The following MICAL3 variants were observed in gnomAD, a reference collection of about 807,000 sequenced individuals.
MICAL3 encodes [F-actin]-monooxygenase MICAL3.
A neutral mutation model predicts 207.4 loss-of-function variants in MICAL3; 62 were observed. That is an observed-to-expected ratio of 0.30 (90% CI 0.24 to 0.37). MICAL3 has a LOEUF of 0.37. MICAL3 is among the 10% of genes least tolerant of loss of function. MICAL3 has a pLI of 1.00. For synonymous variants in MICAL3, 1,077 were observed against 1,069.3 expected (o/e 1.01, Z -0.14); for missense variants, 2,368 against 2,635.6 (o/e 0.90, Z 2.22).
chr22:17,822,781 G>A (rs1354907498), intron 23 of MICAL3, among the ~76,000 whole-genome samples, 166 bp downstream of exon 23: 1 of 152,214 alleles, frequency 6.6e-6, no homozygotes, highest in Non-Finnish European at 1.5e-5. Context: ...TGGTGCTCGT[G>A]GGTAGGTGGT....
intron 19 of MICAL3, among the ~76,000 whole-genome samples, chr22:17,849,737 C>A (rs1290452163): frequency 7.1e-6 from 1 of 140,516 alleles, no homozygotes; most frequent in Non-Finnish European, 1.5e-5. Context: ...CCCTGTCACC[C>A]AAGCTGGAGT....
chr22:17,906,486 G>C, intron 2 of MICAL3, 63 bp downstream of exon 2: 1 of 1,611,322 alleles, frequency 6.2e-7, no homozygotes, highest in Non-Finnish European at 8.5e-7. Context: ...AGAGATGCAA[G>C]ACGTTGTTGA....
intron 1 of MICAL3, among the ~76,000 whole-genome samples, chr22:18,000,767 C>T (rs1273315227): frequency 1.3e-5 from 2 of 152,206 alleles, no homozygotes; most frequent in African/African-American, 4.8e-5. Flanking sequence ...CCCCCACAAA[C>T]GGAAAGGCGC....
chr22:17,946,035 T>A (rs1044362338), intron 1 of MICAL3, among the ~76,000 whole-genome samples: 25 of 152,098 alleles, frequency 1.6e-4, no homozygotes, highest in African/African-American at 5.6e-4. Flanking sequence ...CCGGAAATCC[T>A]CGCTAGTAAC....
chr22:17,964,309 T>C (rs1935050247), intron 1 of MICAL3, among the ~76,000 whole-genome samples: 1 of 152,182 alleles, frequency 6.6e-6, no homozygotes, highest in African/African-American at 2.4e-5. Flanking sequence ...TCTCCTCACA[T>C]TCTTACCTTA....
At chr22:17,919,800 G>C (rs1932756763) in intron 1 of MICAL3, among the ~76,000 whole-genome samples, 1 of 152,230 alleles carries the variant, frequency 6.6e-6, no homozygotes, top group Admixed American at 6.5e-5. Flanking sequence ...CATCAGAAGA[G>C]AGCCTGTCAG....
chr22:17,788,679 C>G lies in MICAL3; in HGVS notation c.*2053G>C, dbSNP rs550937963. On this transcript the variant is annotated 3_prime_UTR_variant, in exon 32 of 32. Transcript: ENST00000441493. The stretch of plus-strand genomic sequence containing the variant: ...AGGAGACCTTTGCCTCACGTGAGAA[C>G]AGGTGGAGAATCAGCGCTGTGGCGG... 6.6e-6 allele frequency: 1 copy of G among 152,418 alleles called. No individual in the cohort carries two copies. The highest frequency in any genetic ancestry group is 6.5e-5 in the Admixed American group (1 of 15,308). 9.4% of individuals were successfully genotyped at this position (152,418 alleles called of 1,614,324 possible).
intron 1 of MICAL3, among the ~76,000 whole-genome samples, chr22:17,917,978 G>T (rs986686502): frequency 7.9e-5 from 12 of 152,214 alleles, no homozygotes; most frequent in African/African-American, 2.7e-4. Context: ...TCCTGCTGAG[G>T]TGCCCATCCA....
At chr22:17,838,068 G>T (rs1178128917) in intron 20 of MICAL3, among the ~76,000 whole-genome samples, 1 of 152,212 alleles carries the variant, frequency 6.6e-6, no homozygotes, top group East Asian at 1.9e-4. Flanking sequence ...GCCTCCCACA[G>T]TGCTGGGATT....
Position 17,821,486 on chromosome 22 carries a change from T to C in MICAL3, c.3472A>G (p.Ile1158Val). The stretch of plus-strand genomic sequence containing the variant: ...AGAGCTGATTCCTGGGGAGACCGGA[T>C]GGGGCTGGTGGCTTGGGAGGGACCT... Reference protein sequence around the residue: ...ERGPSQATSPIRSPQESALLF... With the variant: ...ERGPSQATSPVRSPQESALLF... Residue 1158 changes from isoleucine (I) to valine (V), a missense_variant, in exon 25 of 32, where the codon ATC (isoleucine) becomes GTC (valine). Coordinates refer to ENST00000441493, the MANE Select transcript of MICAL3 (RefSeq NM_015241.3). The C allele has an allele frequency of 1.3e-6, 2 of 1,540,324 alleles. No individual in the cohort carries two copies. Among genetic ancestry groups the C allele is most frequent in the Non-Finnish European group, 1.7e-6 (2 of 1,144,498 alleles).
At chr22:17,945,984 C>T (rs1157605769) in intron 1 of MICAL3, among the ~76,000 whole-genome samples, 1 of 152,176 alleles carries the variant, frequency 6.6e-6, no homozygotes, top group Non-Finnish European at 1.5e-5. Context: ...CGAAAGCAAT[C>T]ACCTTATCAA....
At chr22:18,000,874 G>A (rs1293859234) in intron 1 of MICAL3, among the ~76,000 whole-genome samples, 5 of 152,324 alleles carry the variant, frequency 3.3e-5, no homozygotes, top group African/African-American at 1.2e-4. Flanking sequence ...GGGAGGCCCC[G>A]AGGGCCAGGC....
intron 29 of MICAL3, among the ~76,000 whole-genome samples, chr22:17,807,453 C>T (rs529492193): frequency 6.6e-6 from 1 of 152,344 alleles, no homozygotes; most frequent in East Asian, 1.9e-4. Flanking sequence ...CTCAGCCTAT[C>T]GGATGCTAAG....
intron 1 of MICAL3, among the ~76,000 whole-genome samples, chr22:17,976,581 A>ATTT (rs1475653582): frequency 6.6e-4 from 60 of 90,470 alleles, no homozygotes; most frequent in African/African-American, 3.0e-3. Flanking sequence ...ATATATATAT[A>ATTT]TATATATATT....
chr22:17,944,862 T>C (rs1174212398), intron 1 of MICAL3, among the ~76,000 whole-genome samples: 1 of 151,968 alleles, frequency 6.6e-6, no homozygotes, highest in Non-Finnish European at 1.5e-5. Context: ...CGGAGCAGGG[T>C]TCTCCCCACA....
intron 1 of MICAL3, among the ~76,000 whole-genome samples, chr22:17,999,239 G>C (rs371292528): frequency 1.3e-5 from 2 of 152,200 alleles, no homozygotes; most frequent in Non-Finnish European, 2.9e-5. Context: ...TGTACTGAAT[G>C]GTGTACCACT....
At chr22:17,826,646 G>A (rs968204387) in intron 22 of MICAL3, 7 of 250,302 alleles carry the variant, frequency 2.8e-5, no homozygotes, top group African/African-American at 1.4e-4. Context: ...ACGCCTGTCT[G>A]GCACCAACAA....
chr22:17,982,679 T>TCATAACATAACATAA (rs11268253), intron 1 of MICAL3, among the ~76,000 whole-genome samples: 21,245 of 142,892 alleles, frequency 0.15, 1,675 homozygotes, highest in Admixed American at 0.16. Context: ...TCAAAAAAAT[T>TCATAACATAACATAA]CATAACATAA....
chr22:17,893,474 C>A (rs1156925661), intron 11 of MICAL3, among the ~76,000 whole-genome samples: 2 of 152,056 alleles, frequency 1.3e-5, no homozygotes, highest in Non-Finnish European at 2.9e-5. Flanking sequence ...CTCTCTCCCT[C>A]TCTCCCCTCT....
Sources: allele counts gnomAD v4.1 joint callset (sites outside exome capture counted in the v4.1 genomes callset), GRCh38; gene constraint gnomAD v4.1.1; transcripts MANE v1.5; gene names NCBI Gene and HGNC (gene_info 2026-07-23, HGNC 2026-07-21).